The following LPIN1 variants were observed in gnomAD, a reference collection of about 807,000 sequenced individuals.
LPIN1 encodes phosphatidate phosphatase LPIN1.
In LPIN1, 71 loss-of-function variants were observed where a neutral mutation model predicts 107.5. That is an observed-to-expected ratio of 0.66 (90% CI 0.55 to 0.80). The LOEUF (loss-of-function observed/expected upper bound fraction) is 0.80. Among genes scored for constraint, LPIN1 ranks in the 30% least tolerant of loss-of-function variants. LPIN1 has a pLI of 0.00. For synonymous variants in LPIN1, 445 were observed against 452.6 expected, an observed-to-expected ratio of 0.98 and a Z score of 0.21; for missense variants, 1,043 against 1,160.6, an observed-to-expected ratio of 0.90 and a Z score of 1.47.
At chr2:11,804,304 C>G in intron 15 of LPIN1, 119 bp from the exon 16 acceptor site, 1 of 1,055,602 alleles carries the variant, frequency 9.5e-7, no homozygotes, top group Non-Finnish European at 1.4e-6. Flanking sequence ...TATACAAGGG[C>G]CCAGGGCAGT....
At chr2:11,760,106 C>T (rs1572632488) in intron 1 of LPIN1, among the ~76,000 whole-genome samples, 1 of 151,984 alleles carries the variant, frequency 6.6e-6, no homozygotes, top group Non-Finnish European at 1.5e-5. Flanking sequence ...AGGCGCTCCC[C>T]ACATCTCAGA....
chr2:11,807,614 T>C (rs1434986619), intron 17 of LPIN1, among the ~76,000 whole-genome samples: 1 of 151,956 alleles, frequency 6.6e-6, no homozygotes, highest in Non-Finnish European at 1.5e-5. Context: ...CCCCTGACCA[T>C]TCTTTTCTTT....
At chr2:11,686,706 G>A (rs185550905) in intron 1 of LPIN1, among the ~76,000 whole-genome samples, 1 of 152,146 alleles carries the variant, frequency 6.6e-6, no homozygotes, top group Non-Finnish European at 1.5e-5. Flanking sequence ...TTCCGAGGGG[G>A]TCTGACGCTC....
intron 17 of LPIN1, among the ~76,000 whole-genome samples, chr2:11,808,445 G>T (rs1679088250): frequency 6.6e-6 from 1 of 152,226 alleles, no homozygotes; most frequent in South Asian, 2.1e-4. Context: ...GAGAAACAGA[G>T]AAATGATTCT....
At chr2:11,704,819 A>G (rs1466068234) in intron 1 of LPIN1, among the ~76,000 whole-genome samples, 1 of 152,144 alleles carries the variant, frequency 6.6e-6, no homozygotes, top group Non-Finnish European at 1.5e-5. Flanking sequence ...GGATCCTGCT[A>G]TCTGAATACC....
At chr2:11,796,509 G>A (rs1159842765) in intron 14 of LPIN1, among the ~76,000 whole-genome samples, 9 of 152,156 alleles carry the variant, frequency 5.9e-5, no homozygotes, top group African/African-American at 1.4e-4. Context: ...GGGTGGAGAC[G>A]AGTGTGCGGG....
chr2:11,821,324 C>T (rs1030086331), intron 20 of LPIN1, among the ~76,000 whole-genome samples: 1 of 152,154 alleles, frequency 6.6e-6, no homozygotes, highest in African/African-American at 2.4e-5. Flanking sequence ...CGAGACCAGC[C>T]TGACCAACAT....
chr2:11,738,993 A>T (rs1414731245), intron 1 of LPIN1, among the ~76,000 whole-genome samples: 1 of 152,214 alleles, frequency 6.6e-6, no homozygotes, highest in Non-Finnish European at 1.5e-5. Flanking sequence ...TCTTCCTTTC[A>T]AAAAGAGGCG....
chr2:11,713,875 C>T, intron 2 of LPIN1: 1 of 1,168,990 alleles, frequency 8.6e-7, no homozygotes, highest in South Asian at 1.3e-5. Flanking sequence ...AGAGAAAATA[C>T]TCCATGTCCA....
chr2:11,700,196 A>T (rs1449918023), intron 1 of LPIN1, among the ~76,000 whole-genome samples: 1 of 151,846 alleles, frequency 6.6e-6, no homozygotes, highest in East Asian at 2.0e-4. Context: ...TCCATTGTTC[A>T]TAGTCACCTG....
At chr2:11,720,959 C>T (rs1169756119), upstream of LPIN1, among the ~76,000 whole-genome samples, 2 of 151,986 alleles carry the variant, frequency 1.3e-5, no homozygotes, top group Non-Finnish European at 2.9e-5. Context: ...TCTGCCCACG[C>T]CCTGCTCTCT....
At chr2:11,681,304 T>C (rs1174860319) in intron 1 of LPIN1, among the ~76,000 whole-genome samples, 1 of 152,228 alleles carries the variant, frequency 6.6e-6, no homozygotes, top group East Asian at 1.9e-4. Flanking sequence ...TGTTGAATTA[T>C]AATCCCCAGT....
intron 7 of LPIN1, among the ~76,000 whole-genome samples, chr2:11,780,665 T>A (rs151252093): frequency 3.7e-4 from 56 of 152,222 alleles, no homozygotes; most frequent in Non-Finnish European, 6.9e-4. Context: ...TGGGTTTGAG[T>A]CCTCACTGCA....
intron 18 of LPIN1, chr2:11,816,400 C>T (rs548361036): frequency 9.2e-5 from 14 of 152,340 alleles, no homozygotes; most frequent in African/African-American, 3.4e-4. Flanking sequence ...CATTCATCAG[C>T]CTGTGTTAAG....
chr2:11,804,785 T>G (rs1264128862), intron 16 of LPIN1, among the ~76,000 whole-genome samples: 1 of 152,158 alleles, frequency 6.6e-6, no homozygotes, highest in East Asian at 1.9e-4. Context: ...TCTCTTCGAC[T>G]TGGTTGCTTC....
intron 1 of LPIN1, among the ~76,000 whole-genome samples, chr2:11,691,099 T>TTTC (rs1553397757): frequency 1.4e-5 from 2 of 147,728 alleles, no homozygotes; most frequent in African/African-American, 2.6e-5. Context: ...TTTTTTTTTT[T>TTTC]CTCTCTCCTT....
intron 4 of LPIN1, among the ~76,000 whole-genome samples, chr2:11,772,543 T>C (rs1362096701): frequency 6.6e-6 from 1 of 152,222 alleles, no homozygotes; most frequent in Non-Finnish European, 1.5e-5. Flanking sequence ...AGGCAAGGGC[T>C]GATTTCAGGC....
chr2:11,738,446 C>T (rs1039841679), intron 1 of LPIN1, among the ~76,000 whole-genome samples: 5 of 151,642 alleles, frequency 3.3e-5, no homozygotes, highest in African/African-American at 1.2e-4. Flanking sequence ...GCTACATGGC[C>T]GCTGACTCAT....
intron 20 of LPIN1, among the ~76,000 whole-genome samples, chr2:11,822,220 C>G (rs1165013091): frequency 7.1e-6 from 1 of 141,550 alleles, no homozygotes; most frequent in Non-Finnish European, 1.5e-5. Context: ...CACCTGAGGT[C>G]AGGAGTTCAA....
Sources: allele counts gnomAD v4.1 joint callset (sites outside exome capture counted in the v4.1 genomes callset), GRCh38; gene constraint gnomAD v4.1.1; transcripts MANE v1.5; gene names NCBI Gene and HGNC (gene_info 2026-07-23, HGNC 2026-07-21).